The following NF1 variants were observed in gnomAD, a reference collection of about 807,000 sequenced individuals.
NF1 encodes the protein neurofibromin 1.
A neutral mutation model predicts 325.7 loss-of-function variants in NF1; 122 were observed. That is an observed-to-expected ratio of 0.37 (90% CI 0.32 to 0.44). NF1 has a LOEUF of 0.44. Among genes scored for constraint, NF1 ranks in the 20% least tolerant of loss-of-function variants. NF1 has a pLI of 1.00. For synonymous variants in NF1, 1,091 were observed against 1,186.0 expected (o/e 0.92, Z 1.65); for missense variants, 2,140 against 3,415.4 (o/e 0.63, Z 9.31).
chr17:31,107,349 G>A (rs1289170291), intron 1 of NF1, among the ~76,000 whole-genome samples: 2 of 152,064 alleles, frequency 1.3e-5, no homozygotes, highest in Admixed American at 6.6e-5. Flanking sequence ...ATATATTGGC[G>A]ACAAAGATCA....
intron 27 of NF1, among the ~76,000 whole-genome samples, chr17:31,234,612 A>AG: frequency 7.2e-6 from 1 of 138,278 alleles, no homozygotes; most frequent in South Asian, 2.4e-4. Flanking sequence ...GGAGGGTTGC[A>AG]GTGAGCCAAG....
Position 31,182,645 on chromosome 17 carries a change from G to A in NF1, c.868G>A (p.Asp290Asn), listed in dbSNP as rs1597660081. 9 of 1,613,592 alleles carry A rather than the reference G, an allele frequency of 5.6e-6. No individual in the cohort carries two copies. Among genetic ancestry groups the A allele is most frequent in the Non-Finnish European group, 7.6e-6 (9 of 1,179,810 alleles). Residue 290 changes from aspartate (D) to asparagine (N), a missense_variant, in exon 8 of 58, where the codon GAT becomes AAT. Coordinates refer to ENST00000358273, the MANE Select transcript of NF1 (RefSeq NM_001042492.3). ...IIQDISKDVV[D>N]ENNMNKKLFL... ...CCAGGATATATCCAAAGACGTGGTT[G>A]ATGAAAACAACATGAATAAGGTAAG...
At chr17:31,171,708 AATATGGCTCTTGGT>A (rs2065930875) in intron 5 of NF1, among the ~76,000 whole-genome samples, 1 of 152,236 alleles carries the variant, frequency 6.6e-6, no homozygotes, top group Admixed American at 6.5e-5. Context: ...AGGCCAGCAA[AATATGGCTCTTGGT>A]GACAGTGGTA....
intron 1 of NF1, among the ~76,000 whole-genome samples, chr17:31,129,266 T>C (rs1915146731): frequency 6.6e-6 from 1 of 152,144 alleles, no homozygotes; most frequent in African/African-American, 2.4e-5. Context: ...CTTTCAGGGA[T>C]ACCAGTGAAT....
At position 31,232,177 on chromosome 17, in the gene NF1, A is replaced by G; in HGVS notation, c.3302A>G (p.Gln1101Arg). Reference sequence around the variant, plus strand: ...GTGGAATTGATGGAAGCCAAATCACAGTTATTTCTTAAGTAAATTTCAGTC... The same window carrying G: ...GTGGAATTGATGGAAGCCAAATCACGGTTATTTCTTAAGTAAATTTCAGTC... ...DGVELMEAKS[Q>R]LFLKYFTLFM... Residue 1101 changes from glutamine (Q) to arginine (R), a missense_variant, in exon 25 of 58, where the codon CAG (glutamine) becomes CGG (arginine). Transcript: ENST00000358273. 1 of 1,602,566 alleles carries G rather than the reference A, an allele frequency of 6.2e-7. No individual in the cohort carries two copies. Among genetic ancestry groups the G allele is most frequent in the Non-Finnish European group, 8.5e-7 (1 of 1,170,284 alleles).
At chr17:31,306,763 A>C (rs2068732652) in intron 36 of NF1, among the ~76,000 whole-genome samples, 1 of 151,560 alleles carries the variant, frequency 6.6e-6, no homozygotes, top group Non-Finnish European at 1.5e-5. Flanking sequence ...TAAATGCCAC[A>C]TTTGTGTGGA....
chr17:31,150,857 C>T (rs1916886672), intron 1 of NF1, among the ~76,000 whole-genome samples: 1 of 151,902 alleles, frequency 6.6e-6, no homozygotes, highest in South Asian at 2.1e-4. Flanking sequence ...CATGGTGAAA[C>T]CCCGTCTCTA....
intron 35 of NF1, among the ~76,000 whole-genome samples, chr17:31,264,157 G>A (rs1374474810): frequency 6.6e-6 from 1 of 152,176 alleles, no homozygotes; most frequent in African/African-American, 2.4e-5. Flanking sequence ...CCAGCATTTT[G>A]GGAGGCCGAG....
intron 36 of NF1, chr17:31,318,333 A>G (rs369204428): frequency 4.5e-5 from 72 of 1,608,890 alleles, no homozygotes; most frequent in Non-Finnish European, 5.8e-5. Context: ...TAAGTTTTTC[A>G]GTTCCTTCTT....
intron 13 of NF1, among the ~76,000 whole-genome samples, chr17:31,215,232 C>T (rs1373069283): frequency 2.0e-5 from 3 of 152,170 alleles, no homozygotes; most frequent in Non-Finnish European, 2.9e-5. Flanking sequence ...CCTCCAGCCT[C>T]GGCCTCCCCA....
chr17:31,177,268 C>G (rs2066041198), intron 5 of NF1, among the ~76,000 whole-genome samples: 1 of 152,138 alleles, frequency 6.6e-6, no homozygotes, highest in Admixed American at 6.5e-5. Flanking sequence ...TGGTGATACT[C>G]TGGCAAACAG....
chr17:31,312,877 A>G (rs1268797913), intron 36 of NF1, among the ~76,000 whole-genome samples: 1 of 152,012 alleles, frequency 6.6e-6, no homozygotes, highest in African/African-American at 2.4e-5. Flanking sequence ...TTATTTGCCC[A>G]TTTTACCCAC....
At chr17:31,130,944 T>C (rs961626057) in intron 1 of NF1, among the ~76,000 whole-genome samples, 2 of 152,124 alleles carry the variant, frequency 1.3e-5, no homozygotes, top group African/African-American at 4.8e-5. Flanking sequence ...ACTCTGCCTG[T>C]CAGCACCTTG....
At chr17:31,332,245 C>A (rs1197025560) in intron 39 of NF1, among the ~76,000 whole-genome samples, 2 of 152,040 alleles carry the variant, frequency 1.3e-5, no homozygotes, top group Non-Finnish European at 2.9e-5. Context: ...GTGGGTGGAT[C>A]ACAAGGTAAG....
rs3815154 is a variant in NF1, at chr17:31,327,956, G to A, written c.5609+117G>A. 558,259 of 981,452 alleles carry A rather than the reference G, an allele frequency of 0.57. 164,796 individuals carry two copies. Among genetic ancestry groups the A allele is most frequent in the Middle Eastern group, 0.62 (2,027 of 3,246 alleles). The allele number at this position is 981,452 out of a possible 1,614,324, so 60.8% of individuals were successfully genotyped here. ...AATATTGTAAATTGGAAGGTATGCA[G>A]TGTTGGTTAACCACTGTGACCTCAT... On this transcript the variant is annotated intron_variant, in intron 38 of 57. Transcript: ENST00000358273.
intron 1 of NF1, among the ~76,000 whole-genome samples, chr17:31,153,329 T>C (rs1917076368): frequency 6.6e-6 from 1 of 152,292 alleles, no homozygotes; most frequent in Non-Finnish European, 1.5e-5. Context: ...GACTAGTGGC[T>C]GTTGTATTGG....
Position 31,377,386 on chromosome 17 carries a change from T to C in NF1, c.*3231T>C. On this transcript the variant is annotated 3_prime_UTR_variant, in exon 58 of 58. Coordinates refer to ENST00000358273, the MANE Select transcript of NF1 (RefSeq NM_001042492.3). ...TTCTTTTTGCGACTGCGTTACATCA[T>C]TTAAAGAAAATGCTGTGTATTGTAA... The C allele has an allele frequency of 4.3e-6, 1 of 233,500 alleles. No individual in the cohort carries two copies. Among genetic ancestry groups the C allele is most frequent in the Non-Finnish European group, 8.5e-6 (1 of 117,936 alleles). The allele number at this position is 233,500 out of a possible 1,614,324, so 14.5% of individuals were successfully genotyped here. A position where few individuals can be genotyped will look rare whatever the true frequency, so the allele number is the denominator to read the frequency against.
At chr17:31,196,138 A>G (rs2066429756) in intron 8 of NF1, among the ~76,000 whole-genome samples, 1 of 151,942 alleles carries the variant, frequency 6.6e-6, no homozygotes, top group Non-Finnish European at 1.5e-5. Context: ...ATATTTCCAT[A>G]TTCTCATATA....
At chr17:31,274,360 C>T (rs980288916) in intron 36 of NF1, among the ~76,000 whole-genome samples, 18 of 152,108 alleles carry the variant, frequency 1.2e-4, no homozygotes, top group African/African-American at 4.1e-4. Context: ...GGCCAGCACA[C>T]TTTAAAAATT....
Sources: allele counts gnomAD v4.1 joint callset (sites outside exome capture counted in the v4.1 genomes callset), GRCh38; gene constraint gnomAD v4.1.1; transcripts MANE v1.5; gene names NCBI Gene and HGNC (gene_info 2026-07-23, HGNC 2026-07-21).